Variants in GPKOW observed in about 807,000 individuals in gnomAD.
GPKOW encodes G-patch domain and KOW motifs-containing protein.
For missense variants in GPKOW, 359 were observed against 404.7 expected, an observed-to-expected ratio of 0.89 and a Z score of 0.97; for synonymous variants, 167 against 159.1, an observed-to-expected ratio of 1.05 and a Z score of -0.37.
chrX:49,121,929 G>A (rs2065214319), intron 3 of GPKOW, among the ~76,000 whole-genome samples: 1 of 111,789 alleles, frequency 8.9e-6, no homozygotes, highest in Admixed American at 9.6e-5. Context: ...GAGGGATACT[G>A]TCAAATCATA....
chrX:49,113,468 C>T lies in GPKOW; in HGVS notation c.*153G>A, dbSNP rs1211295610. On this transcript the variant is annotated 3_prime_UTR_variant, in exon 11 of 11. Transcript: ENST00000156109. ...TAAATATTGGGTTTGTTTCTAGCTT[C>T]CCTACTGGTTCACCCATCCCTTTCC... is the stretch of plus-strand genomic sequence containing the variant. The T allele has an allele frequency of 3.5e-5, 18 of 507,913 alleles. No individual in the cohort carries two copies. Among genetic ancestry groups the T allele is most frequent in the Non-Finnish European group, 5.3e-5 (16 of 304,176 alleles). The allele number at this position is 507,913 out of a possible 1,213,427, so 41.9% of individuals were successfully genotyped here. A position where few individuals can be genotyped will look rare whatever the true frequency, so the allele number is the denominator to read the frequency against.
At chrX:49,118,767 C>G (rs1200958496) in intron 4 of GPKOW, among the ~76,000 whole-genome samples, 3 of 64,606 alleles carry the variant, frequency 4.6e-5, no homozygotes, top group Non-Finnish European at 9.1e-5. Flanking sequence ...AAAAAAAAAA[C>G]GCCAATTCAG....
chrX:49,118,763 A>AC (rs1557090659), intron 4 of GPKOW, among the ~76,000 whole-genome samples: 1 of 104,437 alleles, frequency 9.6e-6, no homozygotes, highest in Non-Finnish European at 2.0e-5. Context: ...AAAAAAAAAA[A>AC]AAACGCCAAT....
chrX:49,119,668 G>T, intron 4 of GPKOW, 37 bp downstream of exon 4: 1 of 849,079 alleles, frequency 1.2e-6, no homozygotes. Flanking sequence ...GCAGCCTGAT[G>T]ATCTGTCTGT....
intron 1 of GPKOW, among the ~76,000 whole-genome samples, chrX:49,122,986 G>C (rs2065219030): frequency 9.0e-6 from 1 of 111,496 alleles, no homozygotes; most frequent in African/African-American, 3.3e-5. Flanking sequence ...CAGTGCCTTC[G>C]AGAAATAAGT....
At position 49,116,239 on chromosome X, in the gene GPKOW, C is replaced by G; in HGVS notation, c.998G>C (p.Arg333Pro). 1 of 1,199,477 alleles carries G rather than the reference C, an allele frequency of 8.3e-7. No homozygotes were observed. The highest frequency in any genetic ancestry group is 1.1e-6 in the Non-Finnish European group (1 of 884,434). Reference sequence around the variant, plus strand: ...GTCCCACCGGTCTGGAAGGTGTTTCCGCTTCCTCTCTGAGTTGTCCTGCTG... The same window carrying G: ...GTCCCACCGGTCTGGAAGGTGTTTCGGCTTCCTCTCTGAGTTGTCCTGCTG... ...YIQQDNSERK[R>P]KHLPDRQDGP... The change falls in exon 7 of 11, where the codon CGG (arginine) becomes CCG (proline). Residue 333 changes from arginine (R) to proline (P), a missense_variant. By Grantham distance (103) the Arg-to-Pro change is moderately radical. Transcript: ENST00000156109.
At chrX:49,116,993 T>C (rs145801821) in intron 6 of GPKOW, 37 bp downstream of exon 6, 2 of 1,177,042 alleles carry the variant, frequency 1.7e-6, no homozygotes, top group Non-Finnish European at 1.2e-6. Flanking sequence ...TAGGAATGCG[T>C]TGCCAACTCC....
At chrX:49,120,668 T>C (rs1557090921) in intron 3 of GPKOW, among the ~76,000 whole-genome samples, 1 of 107,549 alleles carries the variant, frequency 9.3e-6, no homozygotes, top group African/African-American at 3.4e-5. Flanking sequence ...AAGGTTTTCT[T>C]TTTTTTTTTT....
chrX:49,113,973 C>A (rs1352480691), intron 9 of GPKOW, 35 bp from the exon 10 acceptor site: 2 of 1,005,949 alleles, frequency 2.0e-6, no homozygotes, highest in Non-Finnish European at 2.8e-6. Flanking sequence ...AGGCCCACAG[C>A]AAGGACCAGC....
chrX:49,117,154 G>C lies in GPKOW; in HGVS notation c.789C>G (p.Gly263=), dbSNP rs782112695. 2 of 1,210,759 alleles carry C rather than the reference G, an allele frequency of 1.7e-6. No homozygotes were observed. The highest frequency in any genetic ancestry group is 3.5e-5 in the African/African-American group (2 of 57,709). ...PHRGLYGKVE[G]LDPDNVRAMV... The stretch of plus-strand genomic sequence containing the variant: ...TGGCCCGAACATTGTCAGGATCAAG[G>C]CCTTCCACCTAAAGTGTTGAGGGGA... The change falls in exon 6 of 11, where the codon GGC becomes GGG. Residue 263 remains glycine (G), a synonymous_variant. Coordinates refer to ENST00000156109, the MANE Select transcript of GPKOW (RefSeq NM_015698.6).
At chrX:49,117,250 A>G in intron 5 of GPKOW, 88 bp from the exon 6 acceptor site, 1 of 984,312 alleles carries the variant, frequency 1.0e-6, no homozygotes, top group South Asian at 2.2e-5. Context: ...TACCTCTAAG[A>G]GGCCTGCTTC....
chrX:49,123,206 G>T (rs782206659), intron 1 of GPKOW, among the ~76,000 whole-genome samples: 1 of 110,900 alleles, frequency 9.0e-6, no homozygotes, highest in African/African-American at 3.3e-5. Context: ...GCTCCATCCC[G>T]TTCCCCATAT....
At chrX:49,114,082 G>A (rs2065182013) in intron 9 of GPKOW, 144 bp from the exon 10 acceptor site, 1 of 453,960 alleles carries the variant, frequency 2.2e-6, no homozygotes, top group South Asian at 3.1e-5. Flanking sequence ...AGGATCGCTT[G>A]AGCCCAGGAG....
intron 8 of GPKOW, 29 bp downstream of exon 8, chrX:49,115,862 G>A (rs1557090153): frequency 8.3e-7 from 1 of 1,206,781 alleles, no homozygotes; most frequent in Non-Finnish European, 1.1e-6. Flanking sequence ...CTAGGAGAGG[G>A]AGGGGGACTC....
At position 49,123,703 on chromosome X, in the gene GPKOW, C is replaced by T. The variant is rs1169849763; in HGVS notation, c.20G>A (p.Gly7Asp). The T allele has an allele frequency of 8.3e-7, 1 of 1,204,568 alleles. No individual in the cohort carries two copies. The highest frequency in any genetic ancestry group is 1.1e-6 in the Non-Finnish European group (1 of 891,826). The change falls in exon 1 of 11, where the codon GGT (glycine) becomes GAT (aspartate). Residue 7 changes from glycine to aspartate, a missense_variant. Physicochemically the swap from Gly to Asp is moderately conservative, Grantham distance 94. Coordinates refer to ENST00000156109, the MANE Select transcript of GPKOW (RefSeq NM_015698.6). ...GGAAGCAGCCGTCAGCGGCAAAACACCCTCTTTGGAGTCAGCCATCTTGCT... is the reference window on the plus strand; with the variant it reads ...GGAAGCAGCCGTCAGCGGCAAAACATCCTCTTTGGAGTCAGCCATCTTGCT... MADSKE[G>D]VLPLTAASTA...
intron 3 of GPKOW, among the ~76,000 whole-genome samples, chrX:49,121,913 C>A (rs1557091089): frequency 8.9e-6 from 1 of 111,884 alleles, no homozygotes; most frequent in Non-Finnish European, 1.9e-5. Flanking sequence ...CTGTTCACAG[C>A]TTCCAGAGGG....
At position 49,117,592 on chromosome X, in the gene GPKOW, CT is replaced by C. The variant is rs2065197851; in HGVS notation, c.780+4del. Reference sequence around the variant, plus strand: ...TTGGGCTCCCGGGATATCTTGGTTCCTTACCTTCCCATAGAGGCCTCGGTGA... The same window carrying C: ...TTGGGCTCCCGGGATATCTTGGTTCCTACCTTCCCATAGAGGCCTCGGTGA... On this transcript the variant is annotated splice_donor_region_variant and intron_variant, in intron 5 of 10. Transcript: ENST00000156109. 6 of 1,193,120 alleles carry C rather than the reference CT, an allele frequency of 5.0e-6. No homozygotes were observed. The highest frequency in any genetic ancestry group is 1.8e-5 in the African/African-American group (1 of 56,945).
At chrX:49,116,718 C>G (rs2065195072) in intron 6 of GPKOW, among the ~76,000 whole-genome samples, 2 of 111,786 alleles carry the variant, frequency 1.8e-5, no homozygotes, top group African/African-American at 6.5e-5. Flanking sequence ...TAGCAGTTCT[C>G]ACTCCCTAGT....
intron 9 of GPKOW, among the ~76,000 whole-genome samples, chrX:49,115,524 A>G (rs1472570075): frequency 1.9e-5 from 2 of 107,205 alleles, no homozygotes; most frequent in Non-Finnish European, 3.9e-5. Context: ...AAAAAAAAGA[A>G]AAAAAAGAAA....
Sources: allele counts gnomAD v4.1 joint callset (sites outside exome capture counted in the v4.1 genomes callset), GRCh38; gene constraint gnomAD v4.1.1; transcripts MANE v1.5; gene names NCBI Gene and HGNC (gene_info 2026-07-23, HGNC 2026-07-21).